Variants in RBFOX1 observed in about 807,000 individuals in gnomAD.
RBFOX1 encodes RNA binding fox-1 homolog 1.
A neutral mutation model predicts 57.7 loss-of-function variants in RBFOX1; 8 were observed. The observed-to-expected ratio is 0.14, with a 90% CI of 0.08 to 0.25. The LOEUF (loss-of-function observed/expected upper bound fraction) is 0.25, where lower values mean the gene tolerates loss of function less well. RBFOX1 is among the 10% of genes least tolerant of loss of function. The probability of loss-of-function intolerance (pLI) is 1.00; values close to 1 mark genes in which losing one functional copy is unlikely to be tolerated. For synonymous variants in RBFOX1, 326 were observed against 222.4 expected, an observed-to-expected ratio of 1.47 and a Z score of -4.15; for missense variants, 611 against 548.5, an observed-to-expected ratio of 1.11 and a Z score of -1.14.
chr16:7,576,098 T>TC (rs71394323), intron 5 of RBFOX1, among the ~76,000 whole-genome samples: 51,258 of 148,814 alleles, frequency 0.34, 9,655 homozygotes, highest in Non-Finnish European at 0.44. Flanking sequence ...GATCAGCTAT[T>TC]TTTTTTTTTT....
intron 3 of RBFOX1, among the ~76,000 whole-genome samples, chr16:6,837,909 A>C (rs902263691): frequency 1.3e-5 from 2 of 152,096 alleles, no homozygotes; most frequent in Non-Finnish European, 2.9e-5. Flanking sequence ...ATGACAGTTT[A>C]CTGTCACCAT....
chr16:7,301,700 C>T (rs1046691203), intron 4 of RBFOX1, among the ~76,000 whole-genome samples: 1 of 152,062 alleles, frequency 6.6e-6, no homozygotes, highest in South Asian at 2.1e-4. Context: ...AAAAAATTCT[C>T]TCCTCTTCTT....
chr16:6,614,601 C>G (rs1448072801), intron 2 of RBFOX1, among the ~76,000 whole-genome samples: 1 of 152,072 alleles, frequency 6.6e-6, no homozygotes, highest in Non-Finnish European at 1.5e-5. Context: ...TGTCTGAAAT[C>G]AAAGTGTGGG....
intron 2 of RBFOX1, among the ~76,000 whole-genome samples, chr16:6,357,389 A>G (rs550142969): frequency 2.6e-5 from 4 of 151,798 alleles, no homozygotes; most frequent in African/African-American, 9.7e-5. Flanking sequence ...TCCCCATTCA[A>G]TTTTCCTTAT....
At chr16:5,522,905 G>A (rs866559603) in intron 2 of RBFOX1, among the ~76,000 whole-genome samples, 22 of 152,090 alleles carry the variant, frequency 1.4e-4, no homozygotes, top group Middle Eastern at 3.2e-3. Flanking sequence ...GCATTCCATC[G>A]TGTATCTATA....
chr16:7,188,126 G>C (rs2084382419), intron 4 of RBFOX1, among the ~76,000 whole-genome samples: 1 of 152,134 alleles, frequency 6.6e-6, no homozygotes, highest in Non-Finnish European at 1.5e-5. Context: ...AATTTTGGAA[G>C]ATCAGCCAAC....
intron 3 of RBFOX1, among the ~76,000 whole-genome samples, chr16:7,020,012 A>C (rs1597186988): frequency 7.0e-6 from 1 of 142,756 alleles, no homozygotes. Flanking sequence ...AAGTGCTGCT[A>C]CCCTCAGGAA....
chr16:6,243,014 G>T (rs1439503241), intron 1 of RBFOX1, among the ~76,000 whole-genome samples: 2 of 152,210 alleles, frequency 1.3e-5, no homozygotes, highest in Non-Finnish European at 2.9e-5. Context: ...TAATCAAAAG[G>T]GGTTTCTGAA....
chr16:6,500,848 T>C (rs2095888978), intron 2 of RBFOX1, among the ~76,000 whole-genome samples: 2 of 133,768 alleles, frequency 1.5e-5, no homozygotes, highest in Admixed American at 7.4e-5. Context: ...TTAAGATCAT[T>C]GTCTTTTATC....
At chr16:5,658,762 G>GTATA (rs1567358582) in intron 3 of RBFOX1, among the ~76,000 whole-genome samples, 1 of 138,720 alleles carries the variant, frequency 7.2e-6, no homozygotes, top group African/African-American at 2.7e-5. Context: ...ATATATATGT[G>GTATA]TATGTATATA....
chr16:7,631,074 G>A (rs776302733), intron 11 of RBFOX1, among the ~76,000 whole-genome samples: 3 of 152,186 alleles, frequency 2.0e-5, no homozygotes, highest in Non-Finnish European at 2.9e-5. Context: ...CAGGATTCTT[G>A]TACACAGTTG....
chr16:6,674,549 T>C (rs1371540083), intron 3 of RBFOX1, among the ~76,000 whole-genome samples: 1 of 152,154 alleles, frequency 6.6e-6, no homozygotes, highest in East Asian at 1.9e-4. Context: ...GTCGAACTCC[T>C]GACCTCAAGT....
At chr16:6,126,385 G>T (rs146431678) in intron 1 of RBFOX1, among the ~76,000 whole-genome samples, 2 of 152,086 alleles carry the variant, frequency 1.3e-5, no homozygotes, top group Admixed American at 6.5e-5. Flanking sequence ...CATTGAATGC[G>T]CACTATGTGC....
intron 3 of RBFOX1, among the ~76,000 whole-genome samples, chr16:6,953,233 G>T (rs903713271): frequency 6.6e-6 from 1 of 151,934 alleles, no homozygotes; most frequent in African/African-American, 2.4e-5. Context: ...TGTTACCTAT[G>T]GTACTCTTTA....
chr16:7,567,149 CCCTATATATATATCCATATATATA>C (rs2091892630), intron 5 of RBFOX1, among the ~76,000 whole-genome samples: 3 of 93,602 alleles, frequency 3.2e-5, no homozygotes, highest in Non-Finnish European at 4.9e-5. Flanking sequence ...CCATATATAT[CCCTATATATATATCCATATATATA>C]TCCCTATATA....
At chr16:6,044,370 C>T (rs2095473439) in intron 1 of RBFOX1, among the ~76,000 whole-genome samples, 1 of 152,046 alleles carries the variant, frequency 6.6e-6, no homozygotes, top group Non-Finnish European at 1.5e-5. Context: ...ACAGTGTTCT[C>T]TCTTTGAGTT....
At chr16:6,887,345 G>A (rs957999507) in intron 3 of RBFOX1, among the ~76,000 whole-genome samples, 1 of 152,148 alleles carries the variant, frequency 6.6e-6, no homozygotes, top group African/African-American at 2.4e-5. Context: ...AGTAAAGTAA[G>A]TTGAGAAGTT....
chr16:7,321,348 G>C (rs1021508278), intron 4 of RBFOX1, among the ~76,000 whole-genome samples: 1 of 151,928 alleles, frequency 6.6e-6, no homozygotes, highest in African/African-American at 2.4e-5. Context: ...CTTTCACCAT[G>C]TTGGTCAGGC....
intron 3 of RBFOX1, among the ~76,000 whole-genome samples, chr16:5,661,289 A>G (rs1014197272): frequency 3.3e-5 from 5 of 152,210 alleles, no homozygotes; most frequent in Non-Finnish European, 7.3e-5. Flanking sequence ...ATCCAGGGTC[A>G]GTGACAGTGA....
Sources: allele counts gnomAD v4.1 joint callset (sites outside exome capture counted in the v4.1 genomes callset), GRCh38; gene constraint gnomAD v4.1.1; transcripts MANE v1.5; gene names NCBI Gene and HGNC (gene_info 2026-07-23, HGNC 2026-07-21).